The following RASAL2 variants were observed in gnomAD, a reference collection of about 807,000 sequenced individuals.
RASAL2 encodes RAS protein activator like 2.
In RASAL2, 58 loss-of-function variants were observed where a neutral mutation model predicts 128.9. That is an observed-to-expected ratio of 0.45 (90% confidence interval 0.36 to 0.56). The LOEUF (loss-of-function observed/expected upper bound fraction) is 0.56, where lower values mean the gene tolerates loss of function less well. Ranked by LOEUF, RASAL2 falls within the 20% of genes least tolerant of loss-of-function variation. The pLI is 0.00. For synonymous variants in RASAL2, 561 were observed against 580.8 expected (o/e 0.97, Z 0.49); for missense variants, 1,360 against 1,601.6 (o/e 0.85, Z 2.57).
chr1:178,377,777 C>A (rs998267365), intron 3 of RASAL2, among the ~76,000 whole-genome samples: 1 of 151,894 alleles, frequency 6.6e-6, no homozygotes, highest in African/African-American at 2.4e-5. Context: ...ATTAATATGT[C>A]AGAGATAGGA....
At chr1:178,346,813 C>T (rs1670180711) in intron 3 of RASAL2, among the ~76,000 whole-genome samples, 1 of 152,116 alleles carries the variant, frequency 6.6e-6, no homozygotes, top group Non-Finnish European at 1.5e-5. Flanking sequence ...TAACTGCTAT[C>T]ATTACAAGGA....
intron 4 of RASAL2, among the ~76,000 whole-genome samples, chr1:178,403,465 CAG>C (rs1216436883): frequency 2.0e-5 from 3 of 151,958 alleles, no homozygotes; most frequent in African/African-American, 4.8e-5. Flanking sequence ...AAAATAGGAA[CAG>C]AATTAATTAT....
chr1:178,320,003 C>T (rs1297871867), intron 3 of RASAL2, among the ~76,000 whole-genome samples: 3 of 151,384 alleles, frequency 2.0e-5, no homozygotes, highest in Non-Finnish European at 4.4e-5. Flanking sequence ...TGTTAGTTTT[C>T]CTTCTAACAG....
chr1:178,226,330 CTTG>C (rs1280535143), intron 1 of RASAL2, among the ~76,000 whole-genome samples: 2 of 152,040 alleles, frequency 1.3e-5, no homozygotes, highest in South Asian at 2.1e-4. Context: ...TCCTTTGCTT[CTTG>C]TTGTTCTGAT....
chr1:178,128,244 G>A (rs1276893251), intron 1 of RASAL2, among the ~76,000 whole-genome samples: 1 of 152,030 alleles, frequency 6.6e-6, no homozygotes. Context: ...TGCATTTTGT[G>A]AACAAATGAA....
chr1:178,283,682 G>C lies in RASAL2; in HGVS notation c.321G>C (p.Lys107Asn). ...LTDSQLVLLN[K>N]EKEIPVEGGQ... ...ACAGCCAGTTGGTATTGCTCAACAA[G>C]GAGAAGGAGGTGAGATGGATATTAT... is the stretch of plus-strand genomic sequence containing the variant. The change falls in exon 2 of 18, where the codon AAG (lysine) becomes AAC (asparagine). Residue 107 changes from lysine (K) to asparagine (N), a missense_variant. By Grantham distance (94) the Lys-to-Asn change is moderately conservative (BLOSUM62 0). Coordinates refer to ENST00000367649, the MANE Select transcript of RASAL2 (RefSeq NM_170692.4). The C allele has an allele frequency of 1.2e-6, 2 of 1,613,558 alleles. No homozygotes were observed. Among genetic ancestry groups the C allele is most frequent in the Non-Finnish European group, 1.7e-6 (2 of 1,179,798 alleles).
chr1:178,177,475 A>G (rs1661934449), intron 1 of RASAL2, among the ~76,000 whole-genome samples: 1 of 152,234 alleles, frequency 6.6e-6, no homozygotes, highest in Non-Finnish European at 1.5e-5. Flanking sequence ...TAAACAGACA[A>G]ATGCATAAAT....
intron 4 of RASAL2, among the ~76,000 whole-genome samples, chr1:178,408,602 G>GTT (rs59524376): frequency 6.4e-5 from 9 of 141,620 alleles, no homozygotes; most frequent in African/African-American, 2.6e-4. Context: ...TGTTTGGTTG[G>GTT]TTTTTTTTTG....
At chr1:178,249,507 GT>G (rs1664941422) in intron 1 of RASAL2, among the ~76,000 whole-genome samples, 1 of 151,956 alleles carries the variant, frequency 6.6e-6, no homozygotes, top group African/African-American at 2.4e-5. Context: ...GCTCAGAGGA[GT>G]TTGTTATTAC....
chr1:178,142,756 CTG>C (rs1437413352), intron 1 of RASAL2, among the ~76,000 whole-genome samples: 1 of 152,168 alleles, frequency 6.6e-6, no homozygotes, highest in Non-Finnish European at 1.5e-5. Context: ...CATTTTCACT[CTG>C]TAAACCTCGG....
At chr1:178,320,035 C>G (rs1225867938) in intron 3 of RASAL2, among the ~76,000 whole-genome samples, 5 of 151,678 alleles carry the variant, frequency 3.3e-5, no homozygotes, top group Non-Finnish European at 7.4e-5. Context: ...AGCTGCAGGT[C>G]TGTTGGAATA....
At chr1:178,279,119 A>G (rs1358784235) in intron 1 of RASAL2, among the ~76,000 whole-genome samples, 2 of 152,236 alleles carry the variant, frequency 1.3e-5, no homozygotes, top group African/African-American at 4.8e-5. Context: ...GAAATAATAG[A>G]TTGCATTGAA....
At chr1:178,111,713 T>C (rs1659329146) in intron 1 of RASAL2, among the ~76,000 whole-genome samples, 1 of 152,156 alleles carries the variant, frequency 6.6e-6, no homozygotes, top group Non-Finnish European at 1.5e-5. Context: ...TAGTAAAATG[T>C]TCAATCTTTT....
At chr1:178,257,197 T>G (rs1242660090) in intron 1 of RASAL2, among the ~76,000 whole-genome samples, 2 of 152,202 alleles carry the variant, frequency 1.3e-5, no homozygotes, top group Non-Finnish European at 2.9e-5. Context: ...ATGTCAACAA[T>G]ACTCACAAAA....
chr1:178,465,506 T>C (rs1647581202), intron 15 of RASAL2, among the ~76,000 whole-genome samples: 1 of 152,204 alleles, frequency 6.6e-6, no homozygotes, highest in Non-Finnish European at 1.5e-5. Context: ...GACTTTTGGC[T>C]TATTTTAAGT....
intron 1 of RASAL2, 88 bp from the exon 2 acceptor site, chr1:178,283,476 T>A: frequency 6.7e-7 from 1 of 1,496,096 alleles, no homozygotes; most frequent in Non-Finnish European, 9.1e-7. Flanking sequence ...ACCTCTTTAT[T>A]TGATTTGGAA....
At chr1:178,256,081 C>G (rs1046937332) in intron 1 of RASAL2, among the ~76,000 whole-genome samples, 2 of 152,108 alleles carry the variant, frequency 1.3e-5, no homozygotes, top group East Asian at 1.9e-4. Flanking sequence ...ACAAAGGAAT[C>G]CTCTTATTAG....
At chr1:178,448,585 A>C (rs1308280426) in intron 9 of RASAL2, among the ~76,000 whole-genome samples, 1 of 152,186 alleles carries the variant, frequency 6.6e-6, no homozygotes, top group Non-Finnish European at 1.5e-5. Context: ...TCATTTACAT[A>C]AAGAGCTTAT....
chr1:178,416,047 C>G (rs1049248347), intron 4 of RASAL2, among the ~76,000 whole-genome samples: 1 of 152,022 alleles, frequency 6.6e-6, no homozygotes, highest in African/African-American at 2.4e-5. Context: ...AGACTATTGA[C>G]GTTCGAAGTG....
Sources: gnomAD v4.1 joint callset for allele counts (sites outside exome capture counted in the v4.1 genomes callset) on GRCh38, gnomAD v4.1.1 for gene constraint, MANE v1.5 for transcripts, NCBI Gene and HGNC (gene_info 2026-07-23, HGNC 2026-07-21) for gene names.